Variants in PPP1R9A observed in about 807,000 individuals in gnomAD.
PPP1R9A encodes the protein neurabin-1.
Under a neutral mutation model 141.9 loss-of-function variants are expected in PPP1R9A, and 59 were observed. The ratio of observed to expected loss-of-function variants is 0.42; its 90% CI spans 0.34 to 0.52. The LOEUF (loss-of-function observed/expected upper bound fraction) is 0.52. PPP1R9A is among the 20% of genes least tolerant of loss of function. The probability of loss-of-function intolerance (pLI) is 0.10; values close to 1 mark genes in which losing one functional copy is unlikely to be tolerated. For missense variants in PPP1R9A, 1,444 were observed against 1,611.9 expected (o/e 0.90, Z 1.78); for synonymous variants, 500 against 569.7 (o/e 0.88, Z 1.74).
At chr7:95,156,005 C>G (rs1477263974) in intron 4 of PPP1R9A, 1 of 152,126 alleles carries the variant, frequency 6.6e-6, no homozygotes, top group African/African-American at 2.4e-5. Flanking sequence ...ATGTCTTTGC[C>G]CAAGTCTTGC....
chr7:95,161,880 G>T lies in PPP1R9A; in HGVS notation c.1663G>T (p.Asp555Tyr). The T allele has an allele frequency of 6.2e-7, 1 of 1,607,834 alleles. No homozygotes were observed. Among genetic ancestry groups the T allele is most frequent in the South Asian group, 1.1e-5 (1 of 90,032 alleles). Residue 555 changes from aspartate (D) to tyrosine (Y), a missense_variant, in exon 5 of 20, where the codon GAC (aspartate) becomes TAC (tyrosine). Transcript: ENST00000433360. ...CTCTTTCTAAAGAATACAAGTCAAT[G>T]ACCAGATTGTGGAAGTGGATGGAAT... The part of the protein sequence containing the change: ...AQRDGRIQVN[D>Y]QIVEVDGISL...
At chr7:95,267,908 C>A (rs1420617827) in intron 12 of PPP1R9A, among the ~76,000 whole-genome samples, 9 of 152,222 alleles carry the variant, frequency 5.9e-5, no homozygotes, top group Admixed American at 3.9e-4. Flanking sequence ...TTTGTTTCTT[C>A]ATTTGTGTAG....
In PPP1R9A at chr7:95,040,503, A is replaced by T. The variant is rs530132414; in HGVS notation, c.1396-70756A>T. ...AAAAAAATTAAAAATAATACAGGAT[A>T]TTATTTTAATAATAATAATACAGGA... On this transcript the variant is annotated intron_variant, in intron 2 of 19. Transcript: ENST00000433360. Among the ~76,000 whole-genome samples the T allele has an allele frequency of 1.1e-4, 16 of 152,100 alleles. No individual in the cohort carries two copies. The East Asian group carries it at 3.1e-3, about 29-fold the overall frequency.
intron 2 of PPP1R9A, among the ~76,000 whole-genome samples, chr7:94,993,351 G>A (rs1465732587): frequency 6.6e-6 from 1 of 152,058 alleles, no homozygotes; most frequent in Non-Finnish European, 1.5e-5. Flanking sequence ...CCTTTGAACT[G>A]TGTTCTTTTC....
chr7:95,137,261 T>C (rs1489740092), intron 4 of PPP1R9A, among the ~76,000 whole-genome samples: 1 of 130,106 alleles, frequency 7.7e-6, no homozygotes, highest in Non-Finnish European at 1.6e-5. Flanking sequence ...GAGACTCTGG[T>C]ATGTGATATT....
intron 5 of PPP1R9A, 64 bp from the exon 6 acceptor site, chr7:95,198,285 C>A (rs1836588185): frequency 6.8e-7 from 1 of 1,471,748 alleles, no homozygotes; most frequent in African/African-American, 1.4e-5. Context: ...AACCTGTTTA[C>A]TTTTCTTAAA....
chr7:95,253,411 T>C (rs2153011886), intron 12 of PPP1R9A, among the ~76,000 whole-genome samples: 1 of 152,324 alleles, frequency 6.6e-6, no homozygotes, highest in Admixed American at 6.5e-5. Context: ...ATGGAAAGGA[T>C]TAGAAATCTT....
At chr7:95,146,578 A>G (rs1827662810) in intron 4 of PPP1R9A, among the ~76,000 whole-genome samples, 1 of 152,206 alleles carries the variant, frequency 6.6e-6, no homozygotes, top group South Asian at 2.1e-4. Flanking sequence ...GCTCATGCCT[A>G]TGTCCTGAAT....
chr7:94,913,310 A>T (rs1791675662), intron 2 of PPP1R9A, among the ~76,000 whole-genome samples: 1 of 152,090 alleles, frequency 6.6e-6, no homozygotes, highest in African/African-American at 2.4e-5. Flanking sequence ...GCTTTTTGGG[A>T]ATGATATTTT....
chr7:94,920,425 A>G (rs1021200376), intron 2 of PPP1R9A, among the ~76,000 whole-genome samples: 1 of 151,840 alleles, frequency 6.6e-6, no homozygotes, highest in Non-Finnish European at 1.5e-5. Flanking sequence ...TCATGCACAT[A>G]TCCTTACAAA....
chr7:94,935,490 T>G (rs1019451174), intron 2 of PPP1R9A, among the ~76,000 whole-genome samples: 1 of 152,218 alleles, frequency 6.6e-6, no homozygotes, highest in South Asian at 2.1e-4. Context: ...GCAGGGCCCC[T>G]GAAAGACCAC....
intron 2 of PPP1R9A, among the ~76,000 whole-genome samples, chr7:94,957,971 T>C (rs1021929158): frequency 2.0e-5 from 3 of 152,252 alleles, no homozygotes; most frequent in Admixed American, 2.0e-4. Flanking sequence ...ATTTTTAGAT[T>C]AGAAAGTGGC....
chr7:95,184,737 G>A (rs1398593393), intron 5 of PPP1R9A, among the ~76,000 whole-genome samples: 1 of 152,086 alleles, frequency 6.6e-6, no homozygotes, highest in Non-Finnish European at 1.5e-5. Context: ...TCATTACTGA[G>A]TTACTTTACT....
At chr7:95,070,839 T>C (rs1813716777) in intron 2 of PPP1R9A, among the ~76,000 whole-genome samples, 1 of 151,812 alleles carries the variant, frequency 6.6e-6, no homozygotes, top group South Asian at 2.1e-4. Context: ...TATTATGAAG[T>C]CATTATATGT....
intron 16 of PPP1R9A, among the ~76,000 whole-genome samples, chr7:95,277,559 A>G (rs1468706350): frequency 2.0e-5 from 3 of 151,942 alleles, no homozygotes; most frequent in Non-Finnish European, 4.4e-5. Context: ...CCTTCTGAGT[A>G]CCTGGGACTA....
At chr7:95,158,419 C>T (rs1246498011) in intron 4 of PPP1R9A, among the ~76,000 whole-genome samples, 1 of 152,084 alleles carries the variant, frequency 6.6e-6, no homozygotes, top group African/African-American at 2.4e-5. Flanking sequence ...CTTTGGGATG[C>T]CAAGGCAGGA....
At chr7:95,035,565 A>G (rs930896408) in intron 2 of PPP1R9A, among the ~76,000 whole-genome samples, 2 of 152,180 alleles carry the variant, frequency 1.3e-5, no homozygotes, top group Non-Finnish European at 2.9e-5. Flanking sequence ...CAAAATCTGA[A>G]TATAGTTCAC....
intron 14 of PPP1R9A, among the ~76,000 whole-genome samples, chr7:95,272,809 C>T (rs894182432): frequency 2.0e-4 from 31 of 151,960 alleles, no homozygotes; most frequent in African/African-American, 7.3e-4. Context: ...TTTAAGAGGG[C>T]CATTCTCTTT....
chr7:95,226,546 A>T (rs10271890), intron 8 of PPP1R9A, among the ~76,000 whole-genome samples: 1,754 of 152,316 alleles, frequency 0.012, 29 homozygotes, highest in African/African-American at 0.041. Flanking sequence ...AGAGTTTAAT[A>T]CACAGACTTT....
Sources: gnomAD v4.1 joint callset for allele counts (sites outside exome capture counted in the v4.1 genomes callset) on GRCh38, gnomAD v4.1.1 for gene constraint, MANE v1.5 for transcripts, NCBI Gene and HGNC (gene_info 2026-07-23, HGNC 2026-07-21) for gene names.